SLC2A12: variants seen among roughly 807,000 people sequenced by gnomAD.
The protein encoded by SLC2A12 is solute carrier family 2 member 12.
In SLC2A12, 23 loss-of-function variants were observed where a neutral mutation model predicts 41.8. The ratio of observed to expected loss-of-function variants is 0.55; its 90% confidence interval spans 0.40 to 0.78. The LOEUF (loss-of-function observed/expected upper bound fraction) is 0.78, where lower values mean the gene tolerates loss of function less well. Among genes scored for constraint, SLC2A12 ranks in the 30% least tolerant of loss-of-function variants. The probability of loss-of-function intolerance (pLI) is 0.00; values close to 1 mark genes in which losing one functional copy is unlikely to be tolerated. For missense variants in SLC2A12, 654 were observed against 745.6 expected (o/e 0.88, Z 1.43); for synonymous variants, 295 against 285.9 (o/e 1.03, Z -0.32).
At chr6:134,037,345 CA>C (rs1487035744) in intron 1 of SLC2A12, among the ~76,000 whole-genome samples, 2 of 149,856 alleles carry the variant, frequency 1.3e-5, no homozygotes, top group African/African-American at 4.9e-5. Context: ...CTTGGGTTAG[CA>C]TTTTTTTTGG....
intron 1 of SLC2A12, among the ~76,000 whole-genome samples, chr6:134,049,619 T>C (rs1773645887): frequency 6.6e-6 from 1 of 152,222 alleles, no homozygotes; most frequent in African/African-American, 2.4e-5. Context: ...AATCCTGTCC[T>C]ATATTAAGAT....
chr6:134,008,768 G>T (rs976952107), intron 2 of SLC2A12, among the ~76,000 whole-genome samples: 2 of 152,132 alleles, frequency 1.3e-5, no homozygotes, highest in Non-Finnish European at 2.9e-5. Flanking sequence ...AATAATATAT[G>T]CCACGGACCA....
intron 3 of SLC2A12, 54 bp from the exon 4 acceptor site, chr6:134,002,183 C>G: frequency 6.4e-7 from 1 of 1,560,906 alleles, no homozygotes; most frequent in Non-Finnish European, 8.6e-7. Flanking sequence ...GCTTTGATCC[C>G]ATTTGTGAAC....
chr6:134,007,034 G>T, intron 2 of SLC2A12, 100 bp from the exon 3 acceptor site: 1 of 1,515,244 alleles, frequency 6.6e-7, no homozygotes. Context: ...TCATCCTGCC[G>T]GGATTTGTGG....
intron 1 of SLC2A12, among the ~76,000 whole-genome samples, chr6:134,041,881 T>C (rs938251659): frequency 6.6e-6 from 1 of 152,116 alleles, no homozygotes; most frequent in African/African-American, 2.4e-5. Context: ...CTGTCTTTCC[T>C]AGAGTCCCCT....
At chr6:134,034,238 T>C (rs1007498376) in intron 1 of SLC2A12, among the ~76,000 whole-genome samples, 11 of 152,228 alleles carry the variant, frequency 7.2e-5, no homozygotes, top group African/African-American at 2.7e-4. Flanking sequence ...AGAACCCTAG[T>C]CCCACATGGA....
intron 2 of SLC2A12, among the ~76,000 whole-genome samples, chr6:134,015,621 G>A (rs1313795409): frequency 6.6e-6 from 1 of 152,212 alleles, no homozygotes; most frequent in Admixed American, 6.5e-5. Flanking sequence ...TTTGACTGTG[G>A]TGGTTCTGCG....
chr6:133,991,781 C>A (rs1562672866), intron 4 of SLC2A12, among the ~76,000 whole-genome samples: 1 of 152,162 alleles, frequency 6.6e-6, no homozygotes, highest in East Asian at 1.9e-4. Context: ...TGCCTTTGAA[C>A]CTCCCTTTTC....
chr6:134,028,371 A>C lies in SLC2A12; in HGVS notation c.1444+10T>G. 1 of 1,590,306 alleles carries C rather than the reference A, an allele frequency of 6.3e-7. No individual in the cohort carries two copies. Among genetic ancestry groups the C allele is most frequent in the Non-Finnish European group, 8.6e-7 (1 of 1,168,558 alleles). On this transcript the variant is annotated intron_variant, in intron 2 of 4. Transcript: ENST00000275230. The stretch of plus-strand genomic sequence containing the variant: ...GTCAAAAGCAATACATTAAAGAATA[A>C]AGTACTTACTTGGTCCTAGACCAAT...
At position 133,987,782 on chromosome 6, in the gene SLC2A12, GAAGTTTATAGATA is replaced by G. The variant is rs1776559818; in HGVS notation, c.*3360_*3372del. 6.6e-6 allele frequency: 1 copy of G among 152,404 alleles called. No homozygotes were observed. Among genetic ancestry groups the G allele is most frequent in the South Asian group, 2.1e-4 (1 of 4,824 alleles). 9.4% of individuals were successfully genotyped at this position (152,404 alleles called of 1,614,324 possible). On this transcript the variant is annotated 3_prime_UTR_variant, in exon 5 of 5. Transcript: ENST00000275230. ...ATATAAACTCTAGGGAACCAGACTA[GAAGTTTATAGATA>G]AAGGATAATGTTTTATGTTGCTAAT...
At chr6:134,010,732 G>C (rs890898248) in intron 2 of SLC2A12, among the ~76,000 whole-genome samples, 2 of 152,148 alleles carry the variant, frequency 1.3e-5, no homozygotes, top group African/African-American at 4.8e-5. Context: ...TCCACAGACA[G>C]CGTGCTTATG....
intron 2 of SLC2A12, 139 bp downstream of exon 2, chr6:134,028,242 C>T (rs571539011): frequency 8.7e-7 from 1 of 1,147,848 alleles, no homozygotes; most frequent in South Asian, 1.7e-5. Flanking sequence ...ATAAGCCAAG[C>T]ATACTTTCTG....
chr6:134,000,986 AGAC>A lies in SLC2A12; in HGVS notation c.1700+1008_1700+1010del, dbSNP rs1237891042. Among the ~76,000 whole-genome samples the A allele has an allele frequency of 5.9e-5, 9 of 152,308 alleles. No homozygotes were observed. The South Asian group carries it at 1.7e-3, about 28-fold the overall frequency. ...AAGTCTGATAGAGATGGAAAGGCTG[AGAC>A]CCAAGTTCCTAGCCCAGTGTGAACA... On this transcript the variant is annotated intron_variant, in intron 4 of 4. Transcript: ENST00000275230.
At chr6:134,006,997 T>G in intron 2 of SLC2A12, 63 bp from the exon 3 acceptor site, 1 of 1,603,034 alleles carries the variant, frequency 6.2e-7, no homozygotes, top group Non-Finnish European at 8.5e-7. Flanking sequence ...TGAATCTGAG[T>G]GCCAGCACCC....
At chr6:133,996,942 G>C (rs1487291890) in intron 4 of SLC2A12, among the ~76,000 whole-genome samples, 1 of 152,094 alleles carries the variant, frequency 6.6e-6, no homozygotes, top group Non-Finnish European at 1.5e-5. Context: ...TTGCCAACCT[G>C]TTGGTTCAGC....
intron 2 of SLC2A12, among the ~76,000 whole-genome samples, chr6:134,024,534 G>A (rs1375545511): frequency 6.6e-6 from 1 of 152,158 alleles, no homozygotes. Context: ...ATCATTCACA[G>A]CAGTCCTAAT....
intron 4 of SLC2A12, among the ~76,000 whole-genome samples, chr6:134,001,644 G>C (rs1010598076): frequency 1.3e-5 from 2 of 151,646 alleles, no homozygotes; most frequent in Non-Finnish European, 2.9e-5. Flanking sequence ...ATTATAAAAG[G>C]CTAACGTTAA....
At chr6:133,997,084 A>G (rs382918) in intron 4 of SLC2A12, among the ~76,000 whole-genome samples, 1 of 118,614 alleles carries the variant, frequency 8.4e-6, no homozygotes, top group East Asian at 2.7e-4. Flanking sequence ...TACTAAAAAT[A>G]CAAAAAAAAA....
In SLC2A12 at chr6:133,991,190, T is replaced by C; in HGVS notation, c.1819A>G (p.Arg607Gly). 6.2e-7 allele frequency: 1 copy of C among 1,614,066 alleles called. No homozygotes were observed. The highest frequency in any genetic ancestry group is 1.7e-4 in the Middle Eastern group (1 of 6,060). Residue 607 changes from arginine (R) to glycine (G), a missense_variant, in exon 5 of 5, where the codon AGG (arginine) becomes GGG (glycine). Arg to Gly is a moderately radical substitution (Grantham distance 125, BLOSUM62 -2). Transcript: ENST00000275230. ...QLLECNKLCG[R>G]GQSRQLSPET The stretch of plus-strand genomic sequence containing the variant: ...GGAGAAAGCTGCCTGGATTGGCCCC[T>C]ACCACACAGCTTGTTACACTCCAAG...
Sources: gnomAD v4.1 joint callset for allele counts (sites outside exome capture counted in the v4.1 genomes callset) on GRCh38, gnomAD v4.1.1 for gene constraint, MANE v1.5 for transcripts, NCBI Gene and HGNC (gene_info 2026-07-23, HGNC 2026-07-21) for gene names.